The following AGBL2 variants were observed in gnomAD, a reference collection of about 807,000 sequenced individuals.
The protein encoded by AGBL2 is AGBL carboxypeptidase 2.
Under a neutral mutation model 103.0 loss-of-function variants are expected in AGBL2, and 87 were observed. The ratio of observed to expected loss-of-function variants is 0.84; its 90% CI spans 0.71 to 1.01. The LOEUF is 1.01. Among genes scored for constraint, AGBL2 ranks in the 50% least tolerant of loss-of-function variants. The probability of loss-of-function intolerance (pLI) is 0.00; values close to 1 mark genes in which losing one functional copy is unlikely to be tolerated. For missense variants in AGBL2, 904 were observed against 1,023.5 expected (o/e 0.88, Z 1.59); for synonymous variants, 335 against 356.7 (o/e 0.94, Z 0.69).
At position 47,660,245 on chromosome 11, in the gene AGBL2, T is replaced by C; in HGVS notation, c.2637A>G (p.Arg879=). The C allele has an allele frequency of 6.2e-7, 1 of 1,614,242 alleles. No individual in the cohort carries two copies. Among genetic ancestry groups the C allele is most frequent in the Non-Finnish European group, 8.5e-7 (1 of 1,180,050 alleles). ...CACAGCCTCTCTTTGTGGCAGGATA[T>C]CTGCTCCTAGGCCAGTTTGGCTTCA... is the stretch of plus-strand genomic sequence containing the variant. The part of the protein sequence containing the change: ...PGMKPNWPRS[R]YPATKRGCAA... Residue 879 remains arginine, a synonymous_variant, in exon 19 of 19, where the codon AGA becomes AGG. Coordinates refer to ENST00000525123, the MANE Select transcript of AGBL2 (RefSeq NM_024783.4).
intron 3 of AGBL2, among the ~76,000 whole-genome samples, chr11:47,712,089 C>A (rs2097537864): frequency 6.6e-6 from 1 of 152,088 alleles, no homozygotes; most frequent in East Asian, 1.9e-4. Flanking sequence ...AAATAAATAT[C>A]ATAATAGTTT....
intron 7 of AGBL2, among the ~76,000 whole-genome samples, chr11:47,701,295 C>A (rs897930231): frequency 2.0e-5 from 3 of 150,862 alleles, no homozygotes; most frequent in African/African-American, 4.9e-5. Flanking sequence ...ATGGTGAAAC[C>A]CCGTCTCTAC....
At chr11:47,678,049 C>T (rs889247252) in intron 13 of AGBL2, among the ~76,000 whole-genome samples, 10 of 151,072 alleles carry the variant, frequency 6.6e-5, no homozygotes, top group African/African-American at 1.7e-4. Context: ...CTGCAACCTC[C>T]GCCCCCTGGG....
Position 47,705,644 on chromosome 11 carries a change from A to G in AGBL2, c.287-10T>C, listed in dbSNP as rs1262071284. The stretch of plus-strand genomic sequence containing the variant: ...AGGCAAGAGTGAAAGTCTGTGTCAA[A>G]AAAAAAAAAAAAAGAAAAAGAAAAA... On this transcript the variant is annotated splice_polypyrimidine_tract_variant and intron_variant, in intron 5 of 18. Coordinates refer to ENST00000525123, the MANE Select transcript of AGBL2 (RefSeq NM_024783.4). The G allele has an allele frequency of 2.4e-6, 1 of 413,070 alleles. No homozygotes were observed. The highest frequency in any genetic ancestry group is 2.0e-5 in the African/African-American group (1 of 49,044). The allele number at this position is 413,070 out of a possible 1,614,324, so 25.6% of individuals were successfully genotyped here.
intron 14 of AGBL2, among the ~76,000 whole-genome samples, chr11:47,670,760 G>A (rs1362404970): frequency 6.6e-6 from 1 of 151,780 alleles, no homozygotes; most frequent in Non-Finnish European, 1.5e-5. Context: ...TTGGGAGGCT[G>A]AGGCTTAAAG....
intron 3 of AGBL2, 166 bp downstream of exon 3, chr11:47,714,118 A>G: frequency 1.6e-6 from 1 of 606,288 alleles, no homozygotes; most frequent in African/African-American, 1.9e-5. Flanking sequence ...GGTGACCCGC[A>G]GATCAATGGG....
chr11:47,701,881 G>A (rs1239879724), intron 7 of AGBL2, among the ~76,000 whole-genome samples: 1 of 150,372 alleles, frequency 6.7e-6, no homozygotes, highest in African/African-American at 2.5e-5. Flanking sequence ...GGCTGTGGCA[G>A]AGAAGCACTT....
At chr11:47,700,748 T>C (rs1014880069) in intron 7 of AGBL2, among the ~76,000 whole-genome samples, 1 of 152,068 alleles carries the variant, frequency 6.6e-6, no homozygotes, top group African/African-American at 2.4e-5. Flanking sequence ...TCGAAGATTA[T>C]AGGAAGTGAT....
Position 47,678,338 on chromosome 11 carries a change from A to ATTATTTTTTTTTTTTTT in AGBL2, c.2017-938_2017-937insAAAAAAAAAAAAAATAA, listed in dbSNP as rs1565026654. On this transcript the variant is annotated intron_variant, in intron 13 of 18. Transcript: ENST00000525123. ...TTATTTTATTTTATTTTATTTTATT[A>ATTATTTTTTTTTTTTTT]TTTTATTTTTTTTGAGACGGAGTCT... Among the ~76,000 whole-genome samples the ATTATTTTTTTTTTTTTT allele has an allele frequency of 7.7e-4, 73 of 95,174 alleles. 3 individuals carry two copies. The highest frequency in any genetic ancestry group is 5.5e-3 in the Middle Eastern group (1 of 182). 62.4% of individuals were successfully genotyped at this position (95,174 alleles called of 152,430 possible). A position where few individuals can be genotyped will look rare whatever the true frequency, so the allele number is the denominator to read the frequency against.
At chr11:47,686,361 T>C (rs1047459189) in intron 10 of AGBL2, among the ~76,000 whole-genome samples, 11 of 151,850 alleles carry the variant, frequency 7.2e-5, no homozygotes, top group African/African-American at 2.2e-4. Flanking sequence ...CTTGACCTCC[T>C]GGGCTCAAGT....
intron 17 of AGBL2, among the ~76,000 whole-genome samples, chr11:47,663,960 T>G (rs1598885039): frequency 6.6e-6 from 1 of 152,080 alleles, no homozygotes; most frequent in Admixed American, 6.6e-5. Context: ...GTTCAAGCGA[T>G]TCTCCTGCCT....
intron 9 of AGBL2, among the ~76,000 whole-genome samples, chr11:47,691,261 C>G (rs986459405): frequency 6.6e-6 from 1 of 151,848 alleles, no homozygotes; most frequent in East Asian, 1.9e-4. Context: ...AAGACTCCAT[C>G]TTGAGGAAAA....
In AGBL2 at chr11:47,691,729, A is replaced by AAAAAAAT; in HGVS notation, c.848+373_848+374insATTTTTT. On this transcript the variant is annotated intron_variant, in intron 9 of 18. Coordinates refer to ENST00000525123, the MANE Select transcript of AGBL2 (RefSeq NM_024783.4). Reference sequence around the variant, plus strand: ...TCTCAAGAAAAAAAAAAAAAAAAAAAATATATATATATATATATATATATA... The same window carrying AAAAAAAT: ...TCTCAAGAAAAAAAAAAAAAAAAAAAAAAAAATATATATATATATATATATATATATA... Among the ~76,000 whole-genome samples, 3 of 4,850 alleles carry AAAAAAAT rather than the reference A, an allele frequency of 6.2e-4. 1 individual carries two copies. Among genetic ancestry groups the AAAAAAAT allele is most frequent in the Admixed American group, 8.5e-3 (2 of 234 alleles). 3.2% of individuals were successfully genotyped at this position (4,850 alleles called of 152,430 possible).
Position 47,692,167 on chromosome 11 carries a change from C to G in AGBL2, c.784G>C (p.Glu262Gln). The G allele has an allele frequency of 6.2e-7, 1 of 1,613,864 alleles. No homozygotes were observed. Among genetic ancestry groups the G allele is most frequent in the South Asian group, 1.1e-5 (1 of 91,082 alleles). The change falls in exon 9 of 19, where the codon GAA becomes CAA. Residue 262 changes from glutamate (E) to glutamine (Q), a missense_variant. Transcript: ENST00000525123. ...KELAVTLQGP[E>Q]DNTLLFESRF... ...GATTCAAACAGTAGAGTATTATCTT[C>G]TGGTCCTTGCAACGTGACAGCAAGT...
chr11:47,702,107 C>T (rs1314829017), intron 7 of AGBL2, among the ~76,000 whole-genome samples: 1 of 151,842 alleles, frequency 6.6e-6, no homozygotes, highest in Non-Finnish European at 1.5e-5. Context: ...GCTATGATTG[C>T]ACCACTGCAC....
rs201723491 is a variant in AGBL2 at position 47,714,273 on chromosome 11, C to G, written c.97+11G>C. 7.6e-5 allele frequency: 122 copies of G among 1,606,684 alleles called. No homozygotes were observed. Among genetic ancestry groups the G allele is most frequent in the Non-Finnish European group, 1.0e-4 (117 of 1,174,058 alleles). On this transcript the variant is annotated intron_variant, in intron 3 of 18. Coordinates refer to ENST00000525123, the MANE Select transcript of AGBL2 (RefSeq NM_024783.4). ...CAGGAAAGGTGATACTAGATAAGAA[C>G]ATGGTATTACCTTTAAAGTAGCCAT...
rs1246457681 is a variant in AGBL2 at position 47,692,110 on chromosome 11, C to T, written c.841G>A (p.Val281Ile). 1.2e-6 allele frequency: 2 copies of T among 1,611,188 alleles called. No individual in the cohort carries two copies. Among genetic ancestry groups the T allele is most frequent in the Non-Finnish European group, 1.7e-6 (2 of 1,178,008 alleles). ...TGAGAAATTGTTACTCACACTCTGACAGCTTTTTGCAGATTCCCACTCTCA... is the reference window on the plus strand; with the variant it reads ...TGAGAAATTGTTACTCACACTCTGATAGCTTTTTGCAGATTCCCACTCTCA... Reference protein sequence around the residue: ...RFESGNLQKAVRVDTYEYELT... With the variant: ...RFESGNLQKAIRVDTYEYELT... The change falls in exon 9 of 19, where the codon GTC becomes ATC. Residue 281 changes from valine to isoleucine, a missense_variant. By Grantham distance (29) the Val-to-Ile change is conservative (BLOSUM62 3). Transcript: ENST00000525123.
intron 4 of AGBL2, among the ~76,000 whole-genome samples, chr11:47,706,890 C>CAAAAA (rs1554968232): frequency 1.9e-5 from 1 of 53,240 alleles, no homozygotes; most frequent in African/African-American, 1.4e-4. Context: ...CTCTACTATT[C>CAAAAA]CAAAAAAAAA....
intron 10 of AGBL2, among the ~76,000 whole-genome samples, chr11:47,688,801 T>G (rs1344786082): frequency 6.6e-6 from 1 of 152,154 alleles, no homozygotes; most frequent in Admixed American, 6.6e-5. Flanking sequence ...CATGGTGCCA[T>G]CTCAGCTCAT....
Sources: allele counts gnomAD v4.1 joint callset (sites outside exome capture counted in the v4.1 genomes callset), GRCh38; gene constraint gnomAD v4.1.1; transcripts MANE v1.5; gene names NCBI Gene and HGNC (gene_info 2026-07-23, HGNC 2026-07-21).